The following NTM variants were observed in gnomAD, a reference collection of about 807,000 sequenced individuals.
The protein encoded by NTM is IgLON family member 2.
In NTM, 13 loss-of-function variants were observed where a neutral mutation model predicts 42.1. The observed-to-expected ratio is 0.31, with a 90% CI of 0.20 to 0.49. The LOEUF (loss-of-function observed/expected upper bound fraction) is 0.49, where lower values mean the gene tolerates loss of function less well. Among genes scored for constraint, NTM ranks in the 20% least tolerant of loss-of-function variants. NTM has a pLI of 0.99. For missense variants in NTM, 373 were observed against 452.8 expected (o/e 0.82, Z 1.60); for synonymous variants, 187 against 179.2 (o/e 1.04, Z -0.35).
intron 1 of NTM, among the ~76,000 whole-genome samples, chr11:131,695,166 G>A (rs1001927010): frequency 5.2e-5 from 2 of 38,728 alleles, no homozygotes; most frequent in African/African-American, 2.0e-4. Flanking sequence ...CCACCCCCCC[G>A]CCCTGAAAAG....
At chr11:131,680,038 C>T (rs527725834) in intron 1 of NTM, among the ~76,000 whole-genome samples, 9 of 152,104 alleles carry the variant, frequency 5.9e-5, no homozygotes, top group African/African-American at 9.7e-5. Flanking sequence ...AGATTTTTAT[C>T]GAGCTTCAGT....
intron 2 of NTM, among the ~76,000 whole-genome samples, chr11:132,140,794 T>G (rs1368130974): frequency 6.6e-6 from 1 of 152,132 alleles, no homozygotes; most frequent in Non-Finnish European, 1.5e-5. Flanking sequence ...TCTGAGCCAT[T>G]TGCGTCGTGA....
At chr11:132,029,193 T>G (rs763105352) in intron 2 of NTM, among the ~76,000 whole-genome samples, 2 of 152,088 alleles carry the variant, frequency 1.3e-5, no homozygotes, top group Non-Finnish European at 2.9e-5. Flanking sequence ...GAGGATCTCT[T>G]TTTTTTATTT....
intron 1 of NTM, chr11:131,795,664 A>G: frequency 1.0e-6 from 1 of 985,438 alleles, no homozygotes; most frequent in Non-Finnish European, 1.2e-6. Flanking sequence ...GCCAGTGCCC[A>G]TAAGTTCAGG....
intron 1 of NTM, among the ~76,000 whole-genome samples, chr11:131,513,563 A>C (rs1408342133): frequency 6.6e-6 from 1 of 152,216 alleles, no homozygotes; most frequent in Non-Finnish European, 1.5e-5. Flanking sequence ...CTTCCTTCCC[A>C]AGTCCTTCTT....
intron 2 of NTM, among the ~76,000 whole-genome samples, chr11:132,013,463 A>C (rs1316292625): frequency 1.3e-5 from 2 of 152,118 alleles, no homozygotes; most frequent in East Asian, 3.9e-4. Context: ...TCTTTAAAGA[A>C]ACATAGCAGT....
intron 1 of NTM, among the ~76,000 whole-genome samples, chr11:131,830,472 G>A (rs2042681296): frequency 6.6e-6 from 1 of 152,140 alleles, no homozygotes; most frequent in Admixed American, 6.5e-5. Flanking sequence ...AGATCAGATG[G>A]CTGTAGGTGT....
At chr11:132,152,409 A>T (rs1242099344) in intron 3 of NTM, among the ~76,000 whole-genome samples, 1 of 152,238 alleles carries the variant, frequency 6.6e-6, no homozygotes, top group Non-Finnish European at 1.5e-5. Flanking sequence ...TAGTGGGGGC[A>T]TACTGATCAT....
intron 4 of NTM, among the ~76,000 whole-genome samples, chr11:132,268,876 G>A (rs2139660009): frequency 6.6e-6 from 1 of 152,180 alleles, no homozygotes; most frequent in East Asian, 1.9e-4. Flanking sequence ...TGGGCAGCCT[G>A]GGGAAGGTCA....
intron 1 of NTM, among the ~76,000 whole-genome samples, chr11:131,693,516 G>A (rs1033746139): frequency 2.0e-5 from 3 of 152,150 alleles, no homozygotes; most frequent in East Asian, 1.9e-4. Context: ...CTCAGGCCCC[G>A]TGCCTGACTT....
chr11:131,810,835 T>C (rs1190661592), intron 1 of NTM, among the ~76,000 whole-genome samples: 4 of 152,210 alleles, frequency 2.6e-5, no homozygotes, highest in Non-Finnish European at 4.4e-5. Flanking sequence ...TGGAATTTTC[T>C]TGGATTTCCC....
At chr11:132,079,412 A>G (rs1284864106) in intron 2 of NTM, among the ~76,000 whole-genome samples, 2 of 152,152 alleles carry the variant, frequency 1.3e-5, no homozygotes, top group Non-Finnish European at 2.9e-5. Context: ...GCGCCCGAAG[A>G]AAGTTCTTTA....
chr11:131,924,611 A>G (rs1386457435), intron 2 of NTM, among the ~76,000 whole-genome samples: 2 of 151,728 alleles, frequency 1.3e-5, no homozygotes, highest in African/African-American at 2.4e-5. Flanking sequence ...TCCTTAGACC[A>G]TCTGGATGTT....
intron 4 of NTM, among the ~76,000 whole-genome samples, chr11:132,240,315 T>C (rs1400520687): frequency 1.3e-5 from 2 of 152,238 alleles, no homozygotes; most frequent in Non-Finnish European, 2.9e-5. Context: ...GTAGAGATAA[T>C]GTCTAATTCT....
chr11:132,094,296 A>C (rs961620129), intron 2 of NTM, among the ~76,000 whole-genome samples: 1 of 152,188 alleles, frequency 6.6e-6, no homozygotes, highest in African/African-American at 2.4e-5. Flanking sequence ...GTGGAAAGAT[A>C]AGTTGGCAAG....
intron 2 of NTM, among the ~76,000 whole-genome samples, chr11:131,938,185 A>G (rs1014688482): frequency 4.6e-5 from 7 of 152,156 alleles, no homozygotes; most frequent in African/African-American, 7.2e-5. Context: ...ATAATTACAC[A>G]AGGAAGCTTT....
At chr11:132,203,123 C>T (rs1056860617) in intron 3 of NTM, among the ~76,000 whole-genome samples, 2 of 152,178 alleles carry the variant, frequency 1.3e-5, no homozygotes, top group African/African-American at 4.8e-5. Context: ...TTGCACAGCG[C>T]ACCCTGGCCT....
chr11:132,220,299 G>A (rs185846394), intron 4 of NTM, among the ~76,000 whole-genome samples: 1 of 152,210 alleles, frequency 6.6e-6, no homozygotes, highest in Admixed American at 6.5e-5. Flanking sequence ...GACCAAGGTG[G>A]GAGAGAAAAA....
At chr11:131,937,485 G>A (rs989984809) in intron 2 of NTM, among the ~76,000 whole-genome samples, 10 of 152,200 alleles carry the variant, frequency 6.6e-5, no homozygotes, top group African/African-American at 2.2e-4. Flanking sequence ...GCCTGGAGAT[G>A]CAGCGATGCC....
Sources: gnomAD v4.1 joint callset for allele counts (sites outside exome capture counted in the v4.1 genomes callset) on GRCh38, gnomAD v4.1.1 for gene constraint, MANE v1.5 for transcripts, NCBI Gene and HGNC (gene_info 2026-07-23, HGNC 2026-07-21) for gene names.